Variants in RPGRIP1L observed in about 807,000 individuals in gnomAD.
The protein encoded by RPGRIP1L is RPGRIP1 like, also known as protein fantom.
RPGRIP1L carries 131 observed loss-of-function variants against 160.4 expected under a neutral mutation model. The ratio of observed to expected loss-of-function variants is 0.82; its 90% CI spans 0.71 to 0.94. The LOEUF is 0.94. Among genes scored for constraint, RPGRIP1L ranks in the 40% least tolerant of loss-of-function variants. The pLI is 0.00. For missense variants in RPGRIP1L, 1,522 were observed against 1,535.8 expected, an observed-to-expected ratio of 0.99 and a Z score of 0.15; for synonymous variants, 510 against 515.8, an observed-to-expected ratio of 0.99 and a Z score of 0.15.
chr16:53,616,048 T>C (rs1183666602), intron 24 of RPGRIP1L, among the ~76,000 whole-genome samples: 1 of 152,216 alleles, frequency 6.6e-6, no homozygotes, highest in African/African-American at 2.4e-5. Context: ...GTCTCTTTTG[T>C]ACAGATTCAA....
At chr16:53,644,788 C>T (rs1199979788) in intron 17 of RPGRIP1L, among the ~76,000 whole-genome samples, 6 of 152,136 alleles carry the variant, frequency 3.9e-5, no homozygotes, top group Non-Finnish European at 1.5e-5. Context: ...TCCTCCCAGA[C>T]TGAGAGAATT....
chr16:53,622,368 A>C lies in RPGRIP1L; in HGVS notation c.3295-12T>G, dbSNP rs773648456. The stretch of plus-strand genomic sequence containing the variant: ...GACAATGCGAGACTCTGTCTCAAAA[A>C]AAAAAAAAAAATCTTAAGATTAAGA... On this transcript the variant is annotated splice_polypyrimidine_tract_variant and intron_variant, in intron 22 of 26. Coordinates refer to ENST00000647211, the MANE Select transcript of RPGRIP1L (RefSeq NM_015272.5). 1.6e-6 allele frequency: 1 copy of C among 617,834 alleles called. No individual in the cohort carries two copies. The highest frequency in any genetic ancestry group is 2.9e-5 in the East Asian group (1 of 35,024). The allele number at this position is 617,834 out of a possible 1,614,324, so 38.3% of individuals were successfully genotyped here.
In RPGRIP1L at chr16:53,700,697, T is replaced by C. The variant is rs765315344; in HGVS notation, c.27A>G (p.Ala9=). 6.2e-7 allele frequency: 1 copy of C among 1,613,478 alleles called. No individual in the cohort carries two copies. The part of the protein sequence containing the change: MSGPTDET[A]GDLPVKDTGL... ...CTGTATCTTTCACAGGCAAGTCTCC[T>C]GCAGTCTCATCAGTTGGACCAGACA... Residue 9 remains alanine, a synonymous_variant, in exon 2 of 27, where the codon GCA becomes GCG. Coordinates refer to ENST00000647211, the MANE Select transcript of RPGRIP1L (RefSeq NM_015272.5).
intron 22 of RPGRIP1L, among the ~76,000 whole-genome samples, chr16:53,633,138 G>A (rs1010355499): frequency 1.5e-4 from 23 of 152,322 alleles, no homozygotes; most frequent in African/African-American, 5.1e-4. Flanking sequence ...ATGTTTCACT[G>A]TTCTGAGATT....
At chr16:53,668,999 A>G (rs959811419) in intron 9 of RPGRIP1L, among the ~76,000 whole-genome samples, 1 of 152,200 alleles carries the variant, frequency 6.6e-6, no homozygotes, top group East Asian at 1.9e-4. Flanking sequence ...ACTGCAAATC[A>G]TATTTTTCTC....
rs749908163 is a variant in RPGRIP1L at position 53,641,131 on chromosome 16, C to A, written c.2875-15G>T. On this transcript the variant is annotated splice_polypyrimidine_tract_variant and intron_variant, in intron 18 of 26. Coordinates refer to ENST00000647211, the MANE Select transcript of RPGRIP1L (RefSeq NM_015272.5). The stretch of plus-strand genomic sequence containing the variant: ...GGTCTTGGTGCCTAAGACAAACCAA[C>A]CAATGTGTCAGACTGAGTATGATGA... 1.2e-5 allele frequency: 19 copies of A among 1,602,632 alleles called. No individual in the cohort carries two copies. The highest frequency in any genetic ancestry group is 6.7e-5 in the East Asian group (3 of 44,818).
chr16:53,610,526 A>C (rs978443344), intron 25 of RPGRIP1L, among the ~76,000 whole-genome samples: 3 of 152,126 alleles, frequency 2.0e-5, no homozygotes, highest in African/African-American at 7.2e-5. Flanking sequence ...CCAACCCTCT[A>C]TGGTGTTATC....
intron 2 of RPGRIP1L, among the ~76,000 whole-genome samples, chr16:53,698,800 G>A (rs1567898906): frequency 1.3e-5 from 2 of 150,806 alleles, no homozygotes; most frequent in African/African-American, 2.4e-5. Context: ...CAGCCGCCTC[G>A]TCCGGGAGGT....
At chr16:53,678,703 C>G (rs994304360) in intron 6 of RPGRIP1L, among the ~76,000 whole-genome samples, 1 of 151,938 alleles carries the variant, frequency 6.6e-6, no homozygotes, top group East Asian at 1.9e-4. Flanking sequence ...CTATGAGATT[C>G]GGGGAAGTAG....
Position 53,656,600 on chromosome 16 carries a change from A to C in RPGRIP1L, c.1582-11T>G, listed in dbSNP as rs182981308. 45 of 1,549,744 alleles carry C rather than the reference A, an allele frequency of 2.9e-5. No homozygotes were observed. The Admixed American group carries it at 6.7e-4, about 23-fold the overall frequency. On this transcript the variant is annotated splice_polypyrimidine_tract_variant and intron_variant, in intron 13 of 26. Transcript: ENST00000647211. ...TGCCTCAACCTCCATCTACAAAATA[A>C]GGGAAAATAAGTTTTAATACTTATG...
chr16:53,662,810 C>G (rs570926368), intron 10 of RPGRIP1L, among the ~76,000 whole-genome samples: 25 of 152,092 alleles, frequency 1.6e-4, no homozygotes, highest in Admixed American at 9.2e-4. Context: ...GGATTCAGTT[C>G]TAGCAATTTT....
At chr16:53,631,275 A>G (rs191400378) in intron 22 of RPGRIP1L, among the ~76,000 whole-genome samples, 135 of 152,356 alleles carry the variant, frequency 8.9e-4, no homozygotes, top group African/African-American at 3.1e-3. Flanking sequence ...CTCATTGTTC[A>G]GAGAACCTAG....
At chr16:53,636,720 A>G (rs1965858181) in intron 21 of RPGRIP1L, among the ~76,000 whole-genome samples, 1 of 152,180 alleles carries the variant, frequency 6.6e-6, no homozygotes, top group Non-Finnish European at 1.5e-5. Flanking sequence ...TAATTTTGGT[A>G]GAAGCAAAGG....
chr16:53,703,265 TCA>T (rs1308317882), intron 1 of RPGRIP1L: 1 of 151,738 alleles, frequency 6.6e-6, no homozygotes, highest in Non-Finnish European at 1.5e-5. Context: ...CAAGAACCTG[TCA>T]CACACACAAA....
intron 10 of RPGRIP1L, 92 bp from the exon 11 acceptor site, chr16:53,658,970 T>A: frequency 3.5e-6 from 3 of 869,078 alleles, no homozygotes; most frequent in Non-Finnish European, 3.7e-6. Flanking sequence ...TCCACACCAG[T>A]CTTGATCTAG....
chr16:53,699,559 T>C (rs1971202540), intron 2 of RPGRIP1L, among the ~76,000 whole-genome samples: 1 of 152,106 alleles, frequency 6.6e-6, no homozygotes. Context: ...AATAAATCAC[T>C]TTGCACACTT....
rs574084093 is a variant in RPGRIP1L, at chr16:53,702,023, T to C, written c.-7-1293A>G. Among the ~76,000 whole-genome samples the C allele has an allele frequency of 3.9e-5, 6 of 152,242 alleles. No individual in the cohort carries two copies. The South Asian group carries it at 1.2e-3, about 32-fold the overall frequency. ...TCCTGTTGACACATAGGCCCGTGTA[T>C]GAAAATGATTAGTTTTCCATGACAG... On this transcript the variant is annotated intron_variant, in intron 1 of 26. Coordinates refer to ENST00000647211, the MANE Select transcript of RPGRIP1L (RefSeq NM_015272.5).
chr16:53,641,515 G>A lies in RPGRIP1L; in HGVS notation c.2684-40C>T, dbSNP rs117194361. 9.0e-4 allele frequency: 1,376 copies of A among 1,532,762 alleles called. 13 individuals are homozygous for A. The East Asian group carries it at 0.028, about 31-fold the overall frequency. The allele number at this position is 1,532,762 out of a possible 1,614,324, so 94.9% of individuals were successfully genotyped here. A position where few individuals can be genotyped will look rare whatever the true frequency, so the allele number is the denominator to read the frequency against. The stretch of plus-strand genomic sequence containing the variant: ...TAATTTTAATTAATGCTAGAGTGAA[G>A]TTTTATTACTGTAAGAATTAAAGAA... On this transcript the variant is annotated intron_variant, in intron 17 of 26. Transcript: ENST00000647211.
intron 17 of RPGRIP1L, among the ~76,000 whole-genome samples, chr16:53,644,289 G>A (rs537159987): frequency 6.6e-6 from 1 of 152,234 alleles, no homozygotes; most frequent in Non-Finnish European, 1.5e-5. Flanking sequence ...TCAATCTGAA[G>A]AATGGGAGGA....
Sources: gnomAD v4.1 joint callset for allele counts (sites outside exome capture counted in the v4.1 genomes callset) on GRCh38, gnomAD v4.1.1 for gene constraint, MANE v1.5 for transcripts, NCBI Gene and HGNC (gene_info 2026-07-23, HGNC 2026-07-21) for gene names.